Variants in GNG7 observed in about 807,000 individuals in gnomAD.
GNG7 encodes G protein subunit gamma 7.
A neutral mutation model predicts 4.0 loss-of-function variants in GNG7; 1 was observed. The ratio of observed to expected loss-of-function variants is 0.25; its 90% confidence interval spans 0.09 to 1.18. The LOEUF (loss-of-function observed/expected upper bound fraction) is 1.18. GNG7 is among the 50% of genes most tolerant of loss of function. The pLI is 0.50. For missense variants in GNG7, 86 were observed against 91.9 expected (o/e 0.94, Z 0.26); for synonymous variants, 34 against 36.9 (o/e 0.92, Z 0.29).
At chr19:2,651,489 CTCTT>C (rs913138323) in intron 1 of GNG7, among the ~76,000 whole-genome samples, 18 of 143,262 alleles carry the variant, frequency 1.3e-4, no homozygotes, top group African/African-American at 3.2e-4. Flanking sequence ...CTCTCTTACT[CTCTT>C]TCTGTCTTCC....
chr19:2,561,961 A>G (rs1979754317), intron 2 of GNG7, among the ~76,000 whole-genome samples: 1 of 152,140 alleles, frequency 6.6e-6, no homozygotes, highest in Non-Finnish European at 1.5e-5. Flanking sequence ...CAGCAGAGGC[A>G]GCTGCCCCGG....
At chr19:2,525,032 A>C (rs1023882571) in intron 3 of GNG7, among the ~76,000 whole-genome samples, 2 of 152,056 alleles carry the variant, frequency 1.3e-5, no homozygotes, top group African/African-American at 4.8e-5. Flanking sequence ...ACCAGCCGGC[A>C]CTGACTCAGG....
At chr19:2,683,694 C>G (rs1384255287) in intron 1 of GNG7, 1 of 152,410 alleles carries the variant, frequency 6.6e-6, no homozygotes, top group Non-Finnish European at 1.5e-5. Flanking sequence ...AAGCCTGAAC[C>G]GAGGGCATTC....
chr19:2,678,538 G>C (rs1983651152), intron 1 of GNG7, among the ~76,000 whole-genome samples: 1 of 152,146 alleles, frequency 6.6e-6, no homozygotes, highest in South Asian at 2.1e-4. Context: ...TTGGCTCTTT[G>C]AACTCAGTCA....
rs571743794 is a variant in GNG7 at position 2,634,778 on chromosome 19, G to T, written c.-78+11446C>A. Among the ~76,000 whole-genome samples the T allele has an allele frequency of 1.3e-5, 2 of 152,218 alleles. No homozygotes were observed. The highest frequency in any genetic ancestry group is 2.9e-5 in the Non-Finnish European group (2 of 68,002). On this transcript the variant is annotated intron_variant, in intron 2 of 4. Transcript: ENST00000382159. This position sits in a 1 kb window ranked among gnomAD's most constrained non-coding sequence, Gnocchi z 5.3. ...CATGCTGAAATCTGGTGACCGACCA[G>T]GGGGAAATAAACCCGCTCTGACTGG...
intron 1 of GNG7, among the ~76,000 whole-genome samples, chr19:2,699,618 T>C (rs1913351890): frequency 6.6e-6 from 1 of 152,210 alleles, no homozygotes. Context: ...CAGTTTTGTC[T>C]ATAACAAGGG....
In GNG7 at chr19:2,697,398, G is replaced by GGGA. The variant is rs139347634; in HGVS notation, c.-135+5245_-135+5247dup. Among the ~76,000 whole-genome samples the GGGA allele has an allele frequency of 7.3e-3, 1,106 of 152,234 alleles. 12 individuals are homozygous for GGGA. Among genetic ancestry groups the GGGA allele is most frequent in the African/African-American group, 0.026 (1,064 of 41,542 alleles). ...GTGGCCCACTCACGCCGCAGGATGG[G>GGGA]GGAGGAGGAGGACAGGAGTGACCCC... On this transcript the variant is annotated intron_variant, in intron 1 of 4. Coordinates refer to ENST00000382159, the MANE Select transcript of GNG7 (RefSeq NM_052847.3).
intron 2 of GNG7, among the ~76,000 whole-genome samples, chr19:2,555,864 G>C (rs1979526037): frequency 6.6e-6 from 1 of 152,150 alleles, no homozygotes; most frequent in Non-Finnish European, 1.5e-5. Flanking sequence ...CCTGCACAGG[G>C]CCAGGCCCCG....
intron 1 of GNG7, among the ~76,000 whole-genome samples, chr19:2,658,396 C>T (rs895310793): frequency 6.6e-6 from 1 of 151,350 alleles, no homozygotes; most frequent in Non-Finnish European, 1.5e-5. Flanking sequence ...GCTTTTTAGC[C>T]CCGAGCTTTA....
chr19:2,521,612 G>GTTTTTTTTTTTTT lies in GNG7; in HGVS notation c.-37-900_-37-888dup, dbSNP rs71178284. 4.8e-5 allele frequency among the ~76,000 whole-genome samples: 5 copies of GTTTTTTTTTTTTT among 104,690 alleles called. 1 individual carries two copies. Among genetic ancestry groups the GTTTTTTTTTTTTT allele is most frequent in the African/African-American group, 1.6e-4 (4 of 25,494 alleles). 68.7% of individuals were successfully genotyped at this position (104,690 alleles called of 152,430 possible). On this transcript the variant is annotated intron_variant, in intron 3 of 4. Transcript: ENST00000382159. ...ACCCCTGGTGACTGTCCCCCTCCGT[G>GTTTTTTTTTTTTT]TTTTTTTTTTTTTTTTTTTGAGACA...
chr19:2,689,579 C>T (rs1026141157), intron 1 of GNG7, among the ~76,000 whole-genome samples: 7 of 133,006 alleles, frequency 5.3e-5, no homozygotes, highest in Non-Finnish European at 3.1e-5. Flanking sequence ...GCTGAGATGG[C>T]GCCATTGCAC....
At chr19:2,570,484 T>C (rs1980113131) in intron 2 of GNG7, among the ~76,000 whole-genome samples, 1 of 152,276 alleles carries the variant, frequency 6.6e-6, no homozygotes, top group Middle Eastern at 3.4e-3. Context: ...GGGGCCCGTG[T>C]TCACTGGGGA....
At chr19:2,569,818 CA>C (rs986725270) in intron 2 of GNG7, among the ~76,000 whole-genome samples, 10 of 152,192 alleles carry the variant, frequency 6.6e-5, no homozygotes, top group Non-Finnish European at 1.5e-4. Context: ...ATGACAACCA[CA>C]AACGTCACCA....
intron 1 of GNG7, among the ~76,000 whole-genome samples, chr19:2,691,381 T>TA (rs1913131450): frequency 6.6e-6 from 1 of 151,608 alleles, no homozygotes; most frequent in African/African-American, 2.4e-5. Context: ...CCATCTCTAC[T>TA]AAAAATGGAA....
At chr19:2,579,201 G>T (rs1370643650) in intron 2 of GNG7, among the ~76,000 whole-genome samples, 2 of 152,240 alleles carry the variant, frequency 1.3e-5, no homozygotes, top group African/African-American at 4.8e-5. Flanking sequence ...TCTGCACAGG[G>T]GTCACCCGGA....
intron 2 of GNG7, among the ~76,000 whole-genome samples, chr19:2,568,130 TACAC>T (rs749607865): frequency 8.1e-5 from 11 of 136,224 alleles, no homozygotes; most frequent in Admixed American, 1.5e-4. Flanking sequence ...CATATAGACA[TACAC>T]ACATATACAC....
intron 1 of GNG7, among the ~76,000 whole-genome samples, chr19:2,687,652 C>T (rs976179793): frequency 1.3e-5 from 2 of 152,018 alleles, no homozygotes; most frequent in African/African-American, 4.8e-5. Flanking sequence ...GCTGGCATGA[C>T]AGGAGTAAGC....
chr19:2,598,529 C>G (rs376314893), intron 2 of GNG7, among the ~76,000 whole-genome samples: 1 of 151,218 alleles, frequency 6.6e-6, no homozygotes. Flanking sequence ...TGGTGGCGGG[C>G]GCCTGTAGTC....
chr19:2,553,902 C>T (rs1170262930), intron 3 of GNG7, among the ~76,000 whole-genome samples: 3 of 141,600 alleles, frequency 2.1e-5, no homozygotes, highest in African/African-American at 7.9e-5. Context: ...TGTAATATTA[C>T]ATACATGTGC....
Sources: gnomAD v4.1 joint callset for allele counts (sites outside exome capture counted in the v4.1 genomes callset) on GRCh38, gnomAD v4.1.1 for gene constraint, Gnocchi (gnomAD v3.1) non-coding constraint, MANE v1.5 for transcripts, NCBI Gene and HGNC (gene_info 2026-07-23, HGNC 2026-07-21) for gene names.